Variants in CLDN16 observed in about 807,000 individuals in gnomAD.
CLDN16 encodes claudin-16.
CLDN16 carries 13 observed loss-of-function variants against 24.6 expected under a neutral mutation model. That is an observed-to-expected ratio of 0.53 (90% CI 0.34 to 0.84). The LOEUF is 0.84. Ranked by LOEUF, CLDN16 falls within the 40% of genes least tolerant of loss-of-function variation. The pLI, the probability that CLDN16 is intolerant of heterozygous loss-of-function variation, is 0.01. For missense variants in CLDN16, 298 were observed against 292.7 expected (o/e 1.02, Z -0.13); for synonymous variants, 116 against 106.7 (o/e 1.09, Z -0.54).
At chr3:190,300,080 A>C in the CLDN16 span, among the ~76,000 whole-genome samples, 1 of 152,244 alleles carries the variant, frequency 6.6e-6, no homozygotes, top group Non-Finnish European at 1.5e-5. Flanking sequence ...TCTATTGGCT[A>C]ATTCTCTGTA....
At chr3:190,317,338 T>C in the CLDN16 span, among the ~76,000 whole-genome samples, 2 of 152,190 alleles carry the variant, frequency 1.3e-5, no homozygotes, top group Admixed American at 6.5e-5. Flanking sequence ...TTTAATTATA[T>C]TTAGCTAGAC....
chr3:190,308,780 G>A, the CLDN16 span, among the ~76,000 whole-genome samples: 1 of 152,110 alleles, frequency 6.6e-6, no homozygotes, highest in Non-Finnish European at 1.5e-5. Flanking sequence ...CTGAAACTTA[G>A]CAAAGGAAGC....
At chr3:190,347,869 A>C (rs964058275) in intron 1 of CLDN16, among the ~76,000 whole-genome samples, 2 of 152,044 alleles carry the variant, frequency 1.3e-5, no homozygotes, top group Non-Finnish European at 2.9e-5. Flanking sequence ...ATGATCTTGT[A>C]GTTTGTAAGG....
chr3:190,348,026 G>C (rs1245184611), intron 1 of CLDN16, among the ~76,000 whole-genome samples: 2 of 150,068 alleles, frequency 1.3e-5, no homozygotes, highest in Non-Finnish European at 3.0e-5. Flanking sequence ...GGTGGATCAC[G>C]AGGTCAGGAG....
rs3220823 is a variant in CLDN16 at position 190,374,269 on chromosome 3, TTGTGTGTGTGTGTG to T, written n.231-228_231-215del. Among the ~76,000 whole-genome samples the T allele has an allele frequency of 4.9e-3, 681 of 139,350 alleles. 10 individuals are homozygous for T. Among genetic ancestry groups the T allele is most frequent in the African/African-American group, 0.016 (594 of 37,104 alleles). The allele number at this position is 139,350 out of a possible 152,430, so 91.4% of individuals were successfully genotyped here. ...ATTTTCCTTCCAGCCCTGAAAAACA[TTGTGTGTGTGTGTG>T]TGTGTGTGTGTGTGTGTGTGTGTGT... On this transcript the variant is annotated intron_variant and non_coding_transcript_variant, in intron 2 of 4. Transcript: ENST00000468220.
At chr3:190,351,617 A>G (rs1460753401) in intron 1 of CLDN16, among the ~76,000 whole-genome samples, 1 of 152,182 alleles carries the variant, frequency 6.6e-6, no homozygotes, top group Non-Finnish European at 1.5e-5. Context: ...TGTTGTTGTT[A>G]TTATTACTTT....
intron 1 of CLDN16, among the ~76,000 whole-genome samples, chr3:190,339,949 C>T (rs185223149): frequency 1.3e-5 from 2 of 152,130 alleles, no homozygotes; most frequent in East Asian, 3.9e-4. Flanking sequence ...AACAGCATAT[C>T]AGAAAGATTA....
chr3:190,403,054 G>A (rs1719002876), intron 2 of CLDN16, among the ~76,000 whole-genome samples: 1 of 152,166 alleles, frequency 6.6e-6, no homozygotes, highest in Admixed American at 6.5e-5. Context: ...AAAGCCAGGT[G>A]CAGTGGCTCA....
At chr3:190,355,314 T>C (rs927761072) in intron 1 of CLDN16, among the ~76,000 whole-genome samples, 1 of 151,930 alleles carries the variant, frequency 6.6e-6, no homozygotes, top group Non-Finnish European at 1.5e-5. Flanking sequence ...CACCAAAATA[T>C]TGATTTCTGT....
upstream of CLDN16, among the ~76,000 whole-genome samples, chr3:190,383,765 G>A (rs576587995): frequency 4.6e-5 from 7 of 152,152 alleles, no homozygotes; most frequent in Admixed American, 2.6e-4. Context: ...TTAGTAAGTT[G>A]TTTTATATAT....
At chr3:190,370,012 T>A (rs1289247002) in intron 1 of CLDN16, among the ~76,000 whole-genome samples, 2 of 152,068 alleles carry the variant, frequency 1.3e-5, no homozygotes, top group East Asian at 1.9e-4. Flanking sequence ...AGGACATTTG[T>A]TTTTACCCTA....
Position 190,409,931 on chromosome 3 carries a change from T to C in CLDN16, c.603T>C (p.Tyr201=), listed in dbSNP as rs1355259272. ...TTGGACCTGAGAGAAACTATCCTTATTCCTTGAGGAAAGCCTATTCAGCCG... is the reference window on the plus strand; with the variant it reads ...TTGGACCTGAGAGAAACTATCCTTACTCCTTGAGGAAAGCCTATTCAGCCG... ...KDVGPERNYP[Y]SLRKAYSAAG... is the part of the protein sequence containing the mutation. Residue 201 remains tyrosine, a synonymous_variant, in exon 5 of 5, where the codon TAT becomes TAC. Coordinates refer to ENST00000264734, the MANE Select transcript of CLDN16 (RefSeq NM_006580.4). The C allele has an allele frequency of 2.5e-6, 4 of 1,613,980 alleles. 1 individual carries two copies. Among genetic ancestry groups the C allele is most frequent in the Middle Eastern group, 1.6e-4 (1 of 6,084 alleles).
intron 3 of CLDN16, among the ~76,000 whole-genome samples, chr3:190,405,755 G>A (rs1042419367): frequency 1.3e-5 from 2 of 152,154 alleles, no homozygotes; most frequent in African/African-American, 4.8e-5. Flanking sequence ...AATAATTGAA[G>A]TTCTGAGGAC....
At chr3:190,347,256 T>A (rs1717570856) in intron 1 of CLDN16, among the ~76,000 whole-genome samples, 1 of 152,120 alleles carries the variant, frequency 6.6e-6, no homozygotes, top group Non-Finnish European at 1.5e-5. Flanking sequence ...CTCAATAACA[T>A]TTGTTAATAA....
At chr3:190,307,207 A>G in the CLDN16 span, 1 of 152,602 alleles carries the variant, frequency 6.6e-6, no homozygotes, top group Non-Finnish European at 1.5e-5. Context: ...TTGTCACCAG[A>G]TTATCACTCC....
chr3:190,369,380 A>T (rs968948346), intron 1 of CLDN16, among the ~76,000 whole-genome samples: 1 of 151,954 alleles, frequency 6.6e-6, no homozygotes, highest in Admixed American at 6.6e-5. Context: ...CTCAGATGAA[A>T]TTGTTTATTG....
chr3:190,299,416 A>G, the CLDN16 span, among the ~76,000 whole-genome samples: 1 of 151,972 alleles, frequency 6.6e-6, no homozygotes, highest in Non-Finnish European at 1.5e-5. Flanking sequence ...TCTATTATGT[A>G]TTTGATGAAC....
At chr3:190,315,571 G>A in the CLDN16 span, among the ~76,000 whole-genome samples, 1 of 152,106 alleles carries the variant, frequency 6.6e-6, no homozygotes, top group East Asian at 1.9e-4. Context: ...ATATTTCTAT[G>A]ACAGCACTTC....
In CLDN16 at chr3:190,389,029, A is replaced by G. The variant is rs748340090; in HGVS notation, c.114+586A>G. 5.9e-5 allele frequency among the ~76,000 whole-genome samples: 9 copies of G among 152,332 alleles called. No individual in the cohort carries two copies. In the South Asian group the frequency reaches 6.2e-4, roughly 11 times the overall value. ...GCATCCCAATGTACGGGGGACAGGCATGGATTTAAATCCTCCCTTAAAATG... is the reference window on the plus strand; with the variant it reads ...GCATCCCAATGTACGGGGGACAGGCGTGGATTTAAATCCTCCCTTAAAATG... On this transcript the variant is annotated intron_variant, in intron 1 of 4. Coordinates refer to ENST00000264734, the MANE Select transcript of CLDN16 (RefSeq NM_006580.4).
Sources: allele counts gnomAD v4.1 joint callset (sites outside exome capture counted in the v4.1 genomes callset), GRCh38; gene constraint gnomAD v4.1.1; transcripts MANE v1.5; gene names NCBI Gene and HGNC (gene_info 2026-07-23, HGNC 2026-07-21).